The following PBX3 variants were observed in gnomAD, a reference collection of about 807,000 sequenced individuals.
PBX3 encodes the protein PBX homeobox 3, also known as pre-B-cell leukemia transcription factor 3.
A neutral mutation model predicts 48.5 loss-of-function variants in PBX3; 14 were observed. The observed-to-expected ratio is 0.29, with a 90% confidence interval of 0.19 to 0.45. The LOEUF is 0.45. PBX3 is among the 20% of genes least tolerant of loss of function. The pLI, the probability that PBX3 is intolerant of heterozygous loss-of-function variation, is 1.00. For synonymous variants in PBX3, 210 were observed against 200.3 expected (o/e 1.05, Z -0.41); for missense variants, 386 against 546.7 (o/e 0.71, Z 2.93).
At chr9:125,753,666 GTATTT>G (rs1301880048) in intron 2 of PBX3, among the ~76,000 whole-genome samples, 3 of 151,786 alleles carry the variant, frequency 2.0e-5, no homozygotes, top group African/African-American at 7.3e-5. Context: ...AATAGTTTTG[GTATTT>G]TATTTGGGAC....
At chr9:125,908,145 A>G (rs1436985651) in intron 2 of PBX3, among the ~76,000 whole-genome samples, 1 of 152,180 alleles carries the variant, frequency 6.6e-6, no homozygotes, top group Admixed American at 6.5e-5. Context: ...ACACAAAGAC[A>G]GAAAACATTT....
chr9:125,821,113 G>A (rs1201612150), intron 2 of PBX3, among the ~76,000 whole-genome samples: 1 of 152,152 alleles, frequency 6.6e-6, no homozygotes, highest in African/African-American at 2.4e-5. Flanking sequence ...AAAGCCTCCT[G>A]AAGAGGTAAA....
chr9:125,775,075 C>G (rs1837036082), intron 2 of PBX3, among the ~76,000 whole-genome samples: 1 of 152,102 alleles, frequency 6.6e-6, no homozygotes. Flanking sequence ...CCATGTTGGC[C>G]AGGCTGGTCT....
chr9:125,897,983 T>C (rs1388780513), intron 2 of PBX3, among the ~76,000 whole-genome samples: 1 of 151,868 alleles, frequency 6.6e-6, no homozygotes, highest in Non-Finnish European at 1.5e-5. Context: ...AATACATCCT[T>C]CTTTAACGGA....
chr9:125,923,005 A>G (rs1448326606), intron 3 of PBX3, among the ~76,000 whole-genome samples: 1 of 152,260 alleles, frequency 6.6e-6, no homozygotes, highest in African/African-American at 2.4e-5. Flanking sequence ...TGTATGAACT[A>G]CTGGTTTAAA....
At chr9:125,904,870 G>T (rs573185613) in intron 2 of PBX3, among the ~76,000 whole-genome samples, 2 of 151,972 alleles carry the variant, frequency 1.3e-5, no homozygotes, top group African/African-American at 2.4e-5. Context: ...CAGACATTCT[G>T]TGGAGTGTTC....
intron 2 of PBX3, among the ~76,000 whole-genome samples, chr9:125,780,086 G>A (rs1333588561): frequency 5.6e-5 from 7 of 124,072 alleles, no homozygotes; most frequent in East Asian, 2.8e-4. Flanking sequence ...CCTCCCTCCC[G>A]GACGGGGCGG....
intron 2 of PBX3, among the ~76,000 whole-genome samples, chr9:125,874,844 C>T (rs923564323): frequency 6.6e-6 from 1 of 152,086 alleles, no homozygotes; most frequent in Admixed American, 6.5e-5. Flanking sequence ...GGTAGATACC[C>T]TAGAGAAAAG....
chr9:125,800,385 G>A (rs73667064), intron 2 of PBX3, among the ~76,000 whole-genome samples: 5,488 of 152,116 alleles, frequency 0.036, 344 homozygotes, highest in African/African-American at 0.12. Flanking sequence ...GAAACTCTTG[G>A]GAGTTCTTAC....
intron 5 of PBX3, among the ~76,000 whole-genome samples, chr9:125,937,571 A>T (rs1185265900): frequency 6.6e-6 from 1 of 152,226 alleles, no homozygotes; most frequent in East Asian, 1.9e-4. Flanking sequence ...TTCAGAAATA[A>T]GTTATGCTTA....
chr9:125,917,997 CT>C (rs1841371785), intron 3 of PBX3, among the ~76,000 whole-genome samples: 1 of 152,120 alleles, frequency 6.6e-6, no homozygotes, highest in African/African-American at 2.4e-5. Context: ...AAGGTTGCCC[CT>C]GAGCATAAAC....
chr9:125,923,603 T>A (rs1424963752), intron 3 of PBX3, among the ~76,000 whole-genome samples: 1 of 152,224 alleles, frequency 6.6e-6, no homozygotes, highest in African/African-American at 2.4e-5. Flanking sequence ...TCTTGCTGTG[T>A]CACCCAGGCT....
intron 2 of PBX3, among the ~76,000 whole-genome samples, chr9:125,813,798 TTATGC>T (rs1838369950): frequency 6.6e-6 from 1 of 151,268 alleles, no homozygotes; most frequent in Non-Finnish European, 1.5e-5. Context: ...TGAGTGTAAG[TTATGC>T]TCATTGCTAT....
chr9:125,826,680 A>C (rs1330422892), intron 2 of PBX3, among the ~76,000 whole-genome samples: 1 of 152,140 alleles, frequency 6.6e-6, no homozygotes, highest in African/African-American at 2.4e-5. Flanking sequence ...GGTTCAACTT[A>C]TTGTGTGATG....
intron 2 of PBX3, among the ~76,000 whole-genome samples, chr9:125,806,230 T>C (rs1838120979): frequency 1.3e-5 from 2 of 152,014 alleles, no homozygotes; most frequent in African/African-American, 4.8e-5. Flanking sequence ...AAAGGTTCTG[T>C]GGTAGGAGCA....
In PBX3 at chr9:125,898,810, G is replaced by C. The variant is rs116683763; in HGVS notation, c.275-16876G>C. Among the ~76,000 whole-genome samples the C allele has an allele frequency of 7.8e-3, 1,185 of 151,862 alleles. 14 individuals carry two copies. The highest frequency in any genetic ancestry group is 0.028 in the African/African-American group (1,144 of 41,480). On this transcript the variant is annotated intron_variant, in intron 2 of 8. Coordinates refer to ENST00000373489, the MANE Select transcript of PBX3 (RefSeq NM_006195.6). ...GTTTTTATTACAGTTATTTCACATT[G>C]AATGTTAAAGTTGTTTAAACATATG...
rs188565933 is a variant in PBX3, at chr9:125,891,673, C to T, written c.275-24013C>T. Among the ~76,000 whole-genome samples, 47 of 152,252 alleles carry T rather than the reference C, an allele frequency of 3.1e-4. 1 individual carries two copies. The East Asian group carries it at 7.5e-3, about 24-fold the overall frequency. Reference sequence around the variant, plus strand: ...AAACATCTCTATTCTTTAAAAATGACAAAGTTAAAAACATATACCAAATTT... The same window carrying T: ...AAACATCTCTATTCTTTAAAAATGATAAAGTTAAAAACATATACCAAATTT... On this transcript the variant is annotated intron_variant, in intron 2 of 8. Coordinates refer to ENST00000373489, the MANE Select transcript of PBX3 (RefSeq NM_006195.6).
chr9:125,854,187 A>G (rs1447996927), intron 2 of PBX3, among the ~76,000 whole-genome samples: 2 of 152,108 alleles, frequency 1.3e-5, no homozygotes, highest in African/African-American at 4.8e-5. Flanking sequence ...GCTGGAGTGC[A>G]GTGGTGTCAT....
At chr9:125,861,445 A>G (rs918043539) in intron 2 of PBX3, among the ~76,000 whole-genome samples, 2 of 152,198 alleles carry the variant, frequency 1.3e-5, no homozygotes. Context: ...GGCTAACTGT[A>G]TAATTACCAT....
Sources: gnomAD v4.1 joint callset for allele counts (sites outside exome capture counted in the v4.1 genomes callset) on GRCh38, gnomAD v4.1.1 for gene constraint, MANE v1.5 for transcripts, NCBI Gene and HGNC (gene_info 2026-07-23, HGNC 2026-07-21) for gene names.